LRGUK: variants seen among roughly 807,000 people sequenced by gnomAD.
LRGUK encodes leucine-rich repeat and guanylate kinase domain-containing protein.
LRGUK carries 65 observed loss-of-function variants against 76.0 expected under a neutral mutation model. That is an observed-to-expected ratio of 0.85 (90% CI 0.70 to 1.05). LRGUK has a LOEUF of 1.05. LRGUK is among the 50% of genes least tolerant of loss of function. LRGUK has a pLI of 0.00. For synonymous variants in LRGUK, 268 were observed against 265.6 expected (o/e 1.01, Z -0.09); for missense variants, 758 against 732.8 (o/e 1.03, Z -0.40).
chr7:134,190,946 T>TAAGCAG (rs71172441), intron 11 of LRGUK, among the ~76,000 whole-genome samples: 3 of 151,312 alleles, frequency 2.0e-5, no homozygotes, highest in Non-Finnish European at 3.0e-5. Context: ...AGTTGAGCGG[T>TAAGCAG]GTGGTGGGAT....
At chr7:134,147,468 G>C (rs571672806) in intron 4 of LRGUK, among the ~76,000 whole-genome samples, 8 of 151,358 alleles carry the variant, frequency 5.3e-5, no homozygotes, top group African/African-American at 1.9e-4. Context: ...CATTTAGAGA[G>C]TAGCATGGGA....
chr7:134,174,747 GT>G (rs1799413542), intron 8 of LRGUK, 111 bp downstream of exon 8: 2 of 703,730 alleles, frequency 2.8e-6, no homozygotes, highest in African/African-American at 1.8e-5. Context: ...TATCAGGAAT[GT>G]GAATAGAGTT....
chr7:134,176,855 G>C (rs1387532727), intron 8 of LRGUK, 122 bp from the exon 9 acceptor site: 1 of 614,326 alleles, frequency 1.6e-6, no homozygotes, highest in African/African-American at 1.8e-5. Flanking sequence ...AGTCCTGTGA[G>C]GGTGTGTGTG....
intron 2 of LRGUK, 71 bp from the exon 3 acceptor site, chr7:134,139,365 A>G (rs1797669628): frequency 1.1e-6 from 1 of 940,896 alleles, no homozygotes; most frequent in South Asian, 1.6e-5. Context: ...TTCCATCAAG[A>G]GTTATTGCAA....
At chr7:134,158,948 T>G (rs1798601650) in intron 6 of LRGUK, among the ~76,000 whole-genome samples, 1 of 152,158 alleles carries the variant, frequency 6.6e-6, no homozygotes, top group South Asian at 2.1e-4. Flanking sequence ...ACATCTATCA[T>G]GGGGTCAGCA....
chr7:134,187,800 C>T (rs1800037046), intron 11 of LRGUK, among the ~76,000 whole-genome samples: 1 of 152,120 alleles, frequency 6.6e-6, no homozygotes, highest in African/African-American at 2.4e-5. Flanking sequence ...AGATTTAAGG[C>T]CATGAAAGTG....
chr7:134,128,445 A>T (rs1797124170), intron 1 of LRGUK, among the ~76,000 whole-genome samples: 1 of 152,094 alleles, frequency 6.6e-6, no homozygotes, highest in African/African-American at 2.4e-5. Context: ...TTCTTAGTCC[A>T]TTGTTGTCTT....
intron 18 of LRGUK, among the ~76,000 whole-genome samples, chr7:134,253,597 T>C (rs1802498739): frequency 6.6e-6 from 1 of 152,160 alleles, no homozygotes; most frequent in African/African-American, 2.4e-5. Context: ...GGTAGATCAC[T>C]TGAGGTCAGG....
intron 5 of LRGUK, among the ~76,000 whole-genome samples, chr7:134,153,865 G>A (rs1221090226): frequency 6.6e-6 from 1 of 152,198 alleles, no homozygotes; most frequent in Non-Finnish European, 1.5e-5. Flanking sequence ...TAAGAGAACT[G>A]TGGTGGATTT....
At chr7:134,230,926 G>A (rs1210047435) in intron 16 of LRGUK, among the ~76,000 whole-genome samples, 1 of 152,180 alleles carries the variant, frequency 6.6e-6, no homozygotes, top group Non-Finnish European at 1.5e-5. Context: ...GGGACCTGGA[G>A]ATGCTGGCAA....
intron 12 of LRGUK, among the ~76,000 whole-genome samples, chr7:134,193,937 A>G (rs1011340046): frequency 2.0e-5 from 3 of 152,072 alleles, no homozygotes; most frequent in Non-Finnish European, 4.4e-5. Context: ...TCCCCCACAC[A>G]GGGGCCTCCT....
rs774994991 is a variant in LRGUK, at chr7:134,127,509, C to T, written c.142C>T (p.Gln48Ter). Residue 48 changes from glutamine (Q) to a stop codon, truncating the protein, a stop_gained, in exon 1 of 16, where the codon CAG (glutamine) becomes TAG (stop). Coordinates refer to ENST00000645682, the Ensembl canonical transcript of LRGUK. LOFTEE classifies it high-confidence loss of function. ...GCCTTGCTGGTCTTTTCCCATGGGG[C>T]AGAAGACGAAAGGCAGCTCTAACAT... 3 of 1,614,126 alleles carry T rather than the reference C, an allele frequency of 1.9e-6. No homozygotes were observed. The highest frequency in any genetic ancestry group is 2.5e-6 in the Non-Finnish European group (3 of 1,180,012).
Position 134,247,538 on chromosome 7 carries a change from A to G in LRGUK, c.1984-18A>G. ...TTTTTAACATCAATGCAATTTTCTAATGACATTTCTTACCTAGGAAAGAGA... is the reference window on the plus strand; with the variant it reads ...TTTTTAACATCAATGCAATTTTCTAGTGACATTTCTTACCTAGGAAAGAGA... On this transcript the variant is annotated intron_variant, in intron 16 of 19. Transcript: ENST00000285928. The G allele has an allele frequency of 6.3e-7, 1 of 1,580,380 alleles. No individual in the cohort carries two copies. Among genetic ancestry groups the G allele is most frequent in the Non-Finnish European group, 8.7e-7 (1 of 1,152,520 alleles).
chr7:134,131,941 C>G (rs1797327130), intron 1 of LRGUK, among the ~76,000 whole-genome samples: 1 of 151,892 alleles, frequency 6.6e-6, no homozygotes, highest in Non-Finnish European at 1.5e-5. Context: ...GGTACAGATA[C>G]CAAGGGTATT....
intron 3 of LRGUK, among the ~76,000 whole-genome samples, chr7:134,142,603 CAAAG>C (rs71644113): frequency 0.13 from 19,642 of 152,136 alleles, 1,578 homozygotes; most frequent in East Asian, 0.32. Context: ...TAATTTACAA[CAAAG>C]AGAGTTTCCT....
At chr7:134,196,359 A>G (rs1374284243) in intron 12 of LRGUK, among the ~76,000 whole-genome samples, 1 of 151,570 alleles carries the variant, frequency 6.6e-6, no homozygotes, top group East Asian at 1.9e-4. Context: ...CTTCCAGAAT[A>G]CAGACAGAGG....
chr7:134,192,697 T>C (rs1800308175), intron 12 of LRGUK, among the ~76,000 whole-genome samples: 1 of 152,232 alleles, frequency 6.6e-6, no homozygotes, highest in South Asian at 2.1e-4. Flanking sequence ...GTAGCTCATA[T>C]TTTCATCACG....
At chr7:134,135,569 C>T (rs1315199354) in intron 1 of LRGUK, among the ~76,000 whole-genome samples, 1 of 152,194 alleles carries the variant, frequency 6.6e-6, no homozygotes, top group African/African-American at 2.4e-5. Context: ...TGAAAACTAC[C>T]AGGCTCAGTG....
intron 16 of LRGUK, among the ~76,000 whole-genome samples, chr7:134,242,595 T>A (rs1440523499): frequency 1.3e-5 from 2 of 152,172 alleles, no homozygotes; most frequent in Non-Finnish European, 2.9e-5. Flanking sequence ...CAGGACCAGA[T>A]GGATTCACAC....
Sources: allele counts gnomAD v4.1 joint callset (sites outside exome capture counted in the v4.1 genomes callset), GRCh38; gene constraint gnomAD v4.1.1; transcripts MANE v1.5; gene names NCBI Gene and HGNC (gene_info 2026-07-23, HGNC 2026-07-21).